MUC5B: variants seen among roughly 807,000 people sequenced by gnomAD.
The protein encoded by MUC5B is mucin 5B, oligomeric mucus/gel-forming.
A neutral mutation model predicts 376.9 loss-of-function variants in MUC5B; 116 were observed. The observed-to-expected ratio is 0.31, with a 90% CI of 0.26 to 0.36. The LOEUF (loss-of-function observed/expected upper bound fraction) is 0.36, where lower values mean the gene tolerates loss of function less well. Among genes scored for constraint, MUC5B ranks in the 10% least tolerant of loss-of-function variants. The probability of loss-of-function intolerance (pLI) is 1.00; values close to 1 mark genes in which losing one functional copy is unlikely to be tolerated. For missense variants in MUC5B, 7,165 were observed against 7,769.9 expected (o/e 0.92, Z 2.93); for synonymous variants, 3,517 against 3,390.9 (o/e 1.04, Z -1.29).
rs55667081 is a variant in MUC5B, at chr11:1,258,651, C to T, written c.16593+284C>T. ...TGGCCTGGGGTCCCCGCCTGCCCGC[C>T]CAGATTCCTACCCGCCCGGATTCCT... On this transcript the variant is annotated intron_variant, in intron 43 of 48. Coordinates refer to ENST00000529681, the MANE Select transcript of MUC5B (RefSeq NM_002458.3). The surrounding 1 kb of genome is among the most constrained non-coding windows in gnomAD (Gnocchi z 5.5). 0.014 allele frequency among the ~76,000 whole-genome samples: 2,103 copies of T among 152,210 alleles called. 24 individuals are homozygous for T. Among genetic ancestry groups the T allele is most frequent in the Non-Finnish European group, 0.019 (1,284 of 67,974 alleles).
In MUC5B at chr11:1,253,839, G is replaced by C. The variant is rs1862764073; in HGVS notation, c.15218-253G>C. Among the ~76,000 whole-genome samples the C allele has an allele frequency of 2.6e-5, 4 of 152,182 alleles. No individual in the cohort carries two copies. Among genetic ancestry groups the C allele is most frequent in the Admixed American group, 2.0e-4 (3 of 15,278 alleles). ...GTCCACGATGATGTCATTTCAAGAT[G>C]CTTCCCTTAATCCCATCTGCAAAGA... On this transcript the variant is annotated intron_variant, in intron 33 of 48. Transcript: ENST00000529681. The surrounding 1 kb of genome is among the most constrained non-coding windows in gnomAD (Gnocchi z 4.3).
At position 1,251,265 on chromosome 11, in the gene MUC5B, C is replaced by G. The variant is rs780933598; in HGVS notation, c.14385C>G (p.Thr4795=). ...ETTHTSTVLT[T]TATMTRATNS... ...CCCACACCTCCACAGTGCTGACCAC[C>G]ACAGCCACCATGACAAGGGCCACCA... The change falls in exon 31 of 49, where the codon ACC becomes ACG. Residue 4795 remains threonine (T), a synonymous_variant. Coordinates refer to ENST00000529681, the MANE Select transcript of MUC5B (RefSeq NM_002458.3). 1.2e-6 allele frequency: 2 copies of G among 1,611,558 alleles called. No individual in the cohort carries two copies. Among genetic ancestry groups the G allele is most frequent in the Non-Finnish European group, 8.5e-7 (1 of 1,178,372 alleles).
chr11:1,257,815 C>A lies in MUC5B; in HGVS notation c.16450+105C>A. On this transcript the variant is annotated intron_variant, in intron 41 of 48. Transcript: ENST00000529681. The surrounding 1 kb of genome is among the most constrained non-coding windows in gnomAD (Gnocchi z 8.9). ...GGCACAGGAGAGCAGAGGAGAGCCA[C>A]TGTGTCCTGGCGTGACCGCGGCAGG... The A allele has an allele frequency of 7.3e-7, 1 of 1,369,488 alleles. No individual in the cohort carries two copies. The highest frequency in any genetic ancestry group is 1.4e-5 in the African/African-American group (1 of 69,368). 84.8% of individuals were successfully genotyped at this position (1,369,488 alleles called of 1,614,324 possible).
chr11:1,234,687 C>A lies in MUC5B; in HGVS notation c.2630+7C>A. 7.5e-7 allele frequency: 1 copy of A among 1,337,002 alleles called. No individual in the cohort carries two copies. The highest frequency in any genetic ancestry group is 1.3e-5 in the South Asian group (1 of 77,046). 82.8% of individuals were successfully genotyped at this position (1,337,002 alleles called of 1,614,324 possible). On this transcript the variant is annotated splice_region_variant and intron_variant, in intron 21 of 48. Coordinates refer to ENST00000529681, the MANE Select transcript of MUC5B (RefSeq NM_002458.3). This position sits in a 1 kb window ranked among gnomAD's most constrained non-coding sequence, Gnocchi z 6.3. The stretch of plus-strand genomic sequence containing the variant: ...GGGTCGACTGCAACACCTGGTGGGT[C>A]GTGAGTCTCTCGGAGGCAGCAGGTG...
intron 38 of MUC5B, 45 bp downstream of exon 38, chr11:1,256,270 C>A (rs768553574): frequency 2.8e-6 from 2 of 714,666 alleles, no homozygotes. Flanking sequence ...CCCAGGCCTG[C>A]CTGACCGGTC....
Position 1,230,690 on chromosome 11 carries a change from C to G in MUC5B, c.1470+90C>G, listed in dbSNP as rs1363970891. 36 of 1,243,094 alleles carry G rather than the reference C, an allele frequency of 2.9e-5. No individual in the cohort carries two copies. The Admixed American group carries it at 7.0e-4, about 24-fold the overall frequency. 77.0% of individuals were successfully genotyped at this position (1,243,094 alleles called of 1,614,324 possible). A position where few individuals can be genotyped will look rare whatever the true frequency, so the allele number is the denominator to read the frequency against. ...AGCACGGTCAGGTCCCCCTCCAGCC[C>G]CGAGGCCAGGTCCCCCCTCCAGCCC... On this transcript the variant is annotated intron_variant, in intron 12 of 48. Transcript: ENST00000529681.
intron 47 of MUC5B, 27 bp from the exon 48 acceptor site, chr11:1,260,599 C>T (rs1250997052): frequency 4.4e-6 from 7 of 1,588,760 alleles, no homozygotes; most frequent in Non-Finnish European, 6.0e-6. Context: ...TCCAGTGGGG[C>T]TCCACATCTG....
At chr11:1,256,872 C>T (rs887331348) in intron 39 of MUC5B, 101 bp downstream of exon 39, 66 of 916,896 alleles carry the variant, frequency 7.2e-5, no homozygotes, top group Non-Finnish European at 9.6e-5. Context: ...CTCCCCTCTC[C>T]CCAGCTGACC....
Position 1,257,732 on chromosome 11 carries a change from G to A in MUC5B, c.16450+22G>A, listed in dbSNP as rs1006746720. 12 of 1,528,146 alleles carry A rather than the reference G, an allele frequency of 7.9e-6. No individual in the cohort carries two copies. The highest frequency in any genetic ancestry group is 4.9e-5 in the East Asian group (2 of 40,926). 94.7% of individuals were successfully genotyped at this position (1,528,146 alleles called of 1,614,324 possible). On this transcript the variant is annotated intron_variant, in intron 41 of 48. Transcript: ENST00000529681. The surrounding 1 kb of genome is among the most constrained non-coding windows in gnomAD (Gnocchi z 8.9). ...TGCGGTAAGACGCTGCAGAGCAGAG[G>A]TGCCCGGCATAGGGTGAGGGGGGAC...
rs1293066368 is a variant in MUC5B at position 1,244,176 on chromosome 11, G to C, written c.7296G>C (p.Thr2432=). ...STAMPSSTPG[T]TWILTELTTT... ...CCATGCCCTCCTCCACTCCGGGGACGACCTGGATCCTCACAGAGCTGACCA... is the reference window on the plus strand; with the variant it reads ...CCATGCCCTCCTCCACTCCGGGGACCACCTGGATCCTCACAGAGCTGACCA... Residue 2432 remains threonine (T), a synonymous_variant, in exon 31 of 49, where the codon ACG becomes ACC. Transcript: ENST00000529681. 1 of 1,612,498 alleles carries C rather than the reference G, an allele frequency of 6.2e-7. No homozygotes were observed. Among genetic ancestry groups the C allele is most frequent in the Non-Finnish European group, 8.5e-7 (1 of 1,179,458 alleles).
Position 1,248,520 on chromosome 11 carries a change from C to G in MUC5B, c.11640C>G (p.Ser3880Arg), listed in dbSNP as rs749577476. Residue 3880 changes from serine to arginine, a missense_variant, in exon 31 of 49, where the codon AGC becomes AGG. Transcript: ENST00000529681. The stretch of plus-strand genomic sequence containing the variant: ...GCTTCACAGTCACCCCCTCCTCCAG[C>G]CCAGGGACGGCACGCACGCCTCCAG... ...TTGFTVTPSS[S>R]PGTARTPPVW... is the part of the protein sequence containing the mutation. 1.3e-5 allele frequency: 21 copies of G among 1,612,956 alleles called. No individual in the cohort carries two copies. The highest frequency in any genetic ancestry group is 1.7e-5 in the Non-Finnish European group (20 of 1,179,596).
rs1862664009 is a variant in MUC5B at position 1,250,901 on chromosome 11, G to GT, written c.14022dup (p.Gly4675TrpfsTer147). 6.3e-7 allele frequency: 1 copy of GT among 1,587,710 alleles called. No homozygotes were observed. Among genetic ancestry groups the GT allele is most frequent in the Admixed American group, 1.8e-5 (1 of 55,138 alleles). ...ACACCCTCCTCTAGCACACAGACCA[G>GT]TGGTACTCCCCCATCACTGACCACC... is the stretch of plus-strand genomic sequence containing the variant. On this transcript the variant is annotated frameshift_variant, in exon 31 of 49. Coordinates refer to ENST00000529681, the MANE Select transcript of MUC5B (RefSeq NM_002458.3). LOFTEE classifies it high-confidence loss of function.
intron 1 of MUC5B, 24 bp downstream of exon 1, chr11:1,223,217 C>A: frequency 1.4e-6 from 1 of 709,242 alleles, no homozygotes; most frequent in Non-Finnish European, 2.6e-6. Flanking sequence ...ACTCCGCCCC[C>A]TCTCGATGCT....
At chr11:1,261,239 T>C in intron 48 of MUC5B, 150 bp from the exon 49 acceptor site, 1 of 671,104 alleles carries the variant, frequency 1.5e-6, no homozygotes, top group Non-Finnish European at 2.5e-6. Context: ...CCTGAGAAGG[T>C]GAAGCCTCAC....
At chr11:1,226,348 G>A in intron 3 of MUC5B, 72 bp downstream of exon 3, 1 of 1,515,214 alleles carries the variant, frequency 6.6e-7, no homozygotes, top group Non-Finnish European at 8.9e-7. Context: ...CCCAGATCTA[G>A]GGGTGCAGCT....
chr11:1,224,216 A>T (rs1861827799), intron 1 of MUC5B, among the ~76,000 whole-genome samples: 1 of 152,124 alleles, frequency 6.6e-6, no homozygotes, highest in East Asian at 1.9e-4. Flanking sequence ...TCCTCCACGC[A>T]CGTCCAAGTT....
In MUC5B at chr11:1,247,898, G is replaced by A. The variant is rs1383922248; in HGVS notation, c.11018G>A (p.Ser3673Asn). The A allele has an allele frequency of 6.2e-7, 1 of 1,611,368 alleles. No individual in the cohort carries two copies. Among genetic ancestry groups the A allele is most frequent in the South Asian group, 1.1e-5 (1 of 91,008 alleles). The change falls in exon 31 of 49, where the codon AGC becomes AAC. Residue 3673 changes from serine (S) to asparagine (N), a missense_variant. Ser to Asn is a conservative substitution (Grantham distance 46). This residue lies in a region of MUC5B where 90 missense variants were observed against 71.1 expected (regional missense o/e 1.27). Transcript: ENST00000529681. ...VFCCNYGHCP[S>N]TPATSSTATP... ...TGCTGCAACTACGGCCACTGCCCCA[G>A]CACCCCGGCCACCAGCTCTACGGCC...
rs759271342 is a variant in MUC5B at position 1,232,533 on chromosome 11, C to T, written c.1927C>T (p.Pro643Ser). ...SRCHSIINPK[P>S]FHSNCMFDTC... Reference sequence around the variant, plus strand: ...CTGCCACTCCATCATCAACCCCAAGCCCTTCCACTCGGTGAGAGGCTGAGG... The same window carrying T: ...CTGCCACTCCATCATCAACCCCAAGTCCTTCCACTCGGTGAGAGGCTGAGG... Residue 643 changes from proline to serine, a missense_variant, in exon 16 of 49, where the codon CCC (proline) becomes TCC (serine). Pro to Ser is a moderately conservative substitution (Grantham distance 74). Transcript: ENST00000529681. 1.3e-5 allele frequency: 21 copies of T among 1,610,726 alleles called. 1 individual carries two copies. In the South Asian group the frequency reaches 2.2e-4, roughly 17 times the overall value.
At chr11:1,226,439 G>C (rs1201523112) in intron 3 of MUC5B, 163 bp downstream of exon 3, 41 of 1,278,302 alleles carry the variant, frequency 3.2e-5, no homozygotes, top group Non-Finnish European at 4.4e-5. Context: ...CTGGGGGATG[G>C]GGACGGGTCA....
Sources: allele counts gnomAD v4.1 joint callset (sites outside exome capture counted in the v4.1 genomes callset), GRCh38; gene constraint gnomAD v4.1.1; regional missense constraint gnomAD v4.1.1; non-coding constraint Gnocchi (gnomAD v3.1); transcripts MANE v1.5; gene names NCBI Gene and HGNC (gene_info 2026-07-23, HGNC 2026-07-21).